ABCA9: variants seen among roughly 807,000 people sequenced by gnomAD.
ABCA9 encodes the protein ATP binding cassette subfamily A member 9, also known as ATP-binding cassette sub-family A member 9.
Under a neutral mutation model 205.3 loss-of-function variants are expected in ABCA9, and 183 were observed. The ratio of observed to expected loss-of-function variants is 0.89; its 90% CI spans 0.79 to 1.01. ABCA9 has a LOEUF of 1.01. Among genes scored for constraint, ABCA9 ranks in the 50% least tolerant of loss-of-function variants. ABCA9 has a pLI of 0.00. For missense variants in ABCA9, 1,805 were observed against 1,912.4 expected (o/e 0.94, Z 1.05); for synonymous variants, 651 against 683.3 (o/e 0.95, Z 0.74).
rs149991432 is a variant in ABCA9, at chr17:68,989,872, C to T, written c.3896G>A (p.Cys1299Tyr). The T allele has an allele frequency of 6.2e-7, 1 of 1,613,364 alleles. No homozygotes were observed. The highest frequency in any genetic ancestry group is 1.1e-5 in the South Asian group (1 of 90,966). Residue 1299 changes from cysteine (C) to tyrosine (Y), a missense_variant, in exon 30 of 39, where the codon TGC (cysteine) becomes TAC (tyrosine). Cys to Tyr is a radical substitution (Grantham distance 194). Transcript: ENST00000340001. ...AATTTTTTTCTTCCTTTTAGAAAAGCAATTTTTCTTTTTGCCTGCATATTC... is the reference window on the plus strand; with the variant it reads ...AATTTTTTTCTTCCTTTTAGAAAAGTAATTTTTCTTTTTGCCTGCATATTC... ...RKEYAGKKKNCFSKRKKKIAT... is the reference protein window; with the variant it reads ...RKEYAGKKKNYFSKRKKKIAT...
intron 22 of ABCA9, among the ~76,000 whole-genome samples, chr17:69,013,146 A>ATCTTGGCTATT (rs2070445706): frequency 6.6e-6 from 1 of 151,984 alleles, no homozygotes; most frequent in Non-Finnish European, 1.5e-5. Context: ...TTTCTTCCAA[A>ATCTTGGCTATT]TCTTGGCTAT....
chr17:68,996,037 C>A, intron 25 of ABCA9, 23 bp from the exon 26 acceptor site: 1 of 1,608,580 alleles, frequency 6.2e-7, no homozygotes, highest in East Asian at 2.2e-5. Flanking sequence ...CACAGTATAG[C>A]GTCATTAAAG....
At chr17:69,070,268 C>T in the ABCA9 span, among the ~76,000 whole-genome samples, 1 of 151,772 alleles carries the variant, frequency 6.6e-6, no homozygotes, top group Non-Finnish European at 1.5e-5. Flanking sequence ...CAAAAAAATA[C>T]AAAAATTAAA....
At chr17:69,008,310 G>A in intron 23 of ABCA9, 75 bp from the exon 24 acceptor site, 1 of 1,366,774 alleles carries the variant, frequency 7.3e-7, no homozygotes, top group Non-Finnish European at 1.0e-6. Context: ...ATACAGTCAT[G>A]AAAGCATTCA....
At chr17:68,984,699 T>G (rs2069171323) in intron 34 of ABCA9, among the ~76,000 whole-genome samples, 186 bp downstream of exon 34, 2 of 151,980 alleles carry the variant, frequency 1.3e-5, no homozygotes, top group Non-Finnish European at 2.9e-5. Flanking sequence ...AATATTAGGG[T>G]GAGATAATAT....
the ABCA9 span, among the ~76,000 whole-genome samples, chr17:69,071,690 C>T: frequency 6.6e-6 from 1 of 152,130 alleles, no homozygotes; most frequent in East Asian, 1.9e-4. Flanking sequence ...CTATTCTCCT[C>T]CAAAAAATCA....
intron 22 of ABCA9, among the ~76,000 whole-genome samples, chr17:69,014,957 C>T (rs1248781688): frequency 6.6e-6 from 1 of 152,124 alleles, no homozygotes. Flanking sequence ...AAGACAATTA[C>T]ATGGGTCACC....
At chr17:69,046,474 A>G (rs1299756378) in intron 3 of ABCA9, among the ~76,000 whole-genome samples, 1 of 152,188 alleles carries the variant, frequency 6.6e-6, no homozygotes, top group Non-Finnish European at 1.5e-5. Context: ...TTTTTGAGAT[A>G]TTCCAGCTGT....
At chr17:69,042,037 C>A (rs565406229) in intron 6 of ABCA9, among the ~76,000 whole-genome samples, 83 of 152,206 alleles carry the variant, frequency 5.5e-4, no homozygotes, top group Admixed American at 1.6e-3. Context: ...GTGTAAAGGG[C>A]AAATTCAAGA....
intron 6 of ABCA9, among the ~76,000 whole-genome samples, chr17:69,039,414 C>T (rs1046089830): frequency 6.6e-6 from 1 of 152,146 alleles, no homozygotes; most frequent in Middle Eastern, 3.4e-3. Flanking sequence ...CATCTATAGC[C>T]ATCTGATCTT....
chr17:68,992,935 T>C, intron 27 of ABCA9, 81 bp downstream of exon 27: 1 of 1,166,522 alleles, frequency 8.6e-7, no homozygotes, highest in Non-Finnish European at 1.3e-6. Context: ...CCTTCTTAAT[T>C]TGATGCAATT....
At chr17:69,052,212 A>T (rs1046368272) in intron 1 of ABCA9, among the ~76,000 whole-genome samples, 1 of 152,068 alleles carries the variant, frequency 6.6e-6, no homozygotes, top group Non-Finnish European at 1.5e-5. Context: ...CTCTATTTTT[A>T]AAAAATCAAA....
chr17:69,027,532 C>T lies in ABCA9; in HGVS notation c.1792-83G>A, dbSNP rs1487885576. The T allele has an allele frequency of 1.9e-6, 3 of 1,557,008 alleles. No individual in the cohort carries two copies. In the African/African-American group the frequency reaches 4.2e-5, roughly 22 times the overall value. On this transcript the variant is annotated intron_variant, in intron 13 of 38. Coordinates refer to ENST00000340001, the MANE Select transcript of ABCA9 (RefSeq NM_080283.4). ...TCATTTTTCTGTTCTTTACAAAGGG[C>T]CTTTTTGCCTGAAATTTAGATGAGG... is the stretch of plus-strand genomic sequence containing the variant.
chr17:69,011,397 T>C (rs1598368234), intron 23 of ABCA9, among the ~76,000 whole-genome samples: 2 of 152,116 alleles, frequency 1.3e-5, no homozygotes, highest in Non-Finnish European at 1.5e-5. Flanking sequence ...TCACTAAAGA[T>C]AGGGACAGTT....
Position 68,995,433 on chromosome 17 carries a change from C to T in ABCA9, c.3555+462G>A, listed in dbSNP as rs542016317. 8.9e-4 allele frequency among the ~76,000 whole-genome samples: 135 copies of T among 152,178 alleles called. 1 individual carries two copies. The highest frequency in any genetic ancestry group is 8.7e-3 in the South Asian group (42 of 4,818). On this transcript the variant is annotated intron_variant, in intron 26 of 38. Coordinates refer to ENST00000340001, the MANE Select transcript of ABCA9 (RefSeq NM_080283.4). ...TTTTTATTTCTATCTCTACTCACCG[C>T]GTAGGTCATATTATTGTCGCATGGC...
In ABCA9 at chr17:69,047,067, T is replaced by G. The variant is rs544487936; in HGVS notation, c.305-1731A>C. Among the ~76,000 whole-genome samples, 21 of 151,340 alleles carry G rather than the reference T, an allele frequency of 1.4e-4. 1 individual carries two copies. In the East Asian group the frequency reaches 3.5e-3, roughly 25 times the overall value. On this transcript the variant is annotated intron_variant, in intron 3 of 38. Coordinates refer to ENST00000340001, the MANE Select transcript of ABCA9 (RefSeq NM_080283.4). Reference sequence around the variant, plus strand: ...ACCTTCACCTCCTGAGTGCAAGTGATTCTCCTGCCTCAGACTCCCAAGTAG... The same window carrying G: ...ACCTTCACCTCCTGAGTGCAAGTGAGTCTCCTGCCTCAGACTCCCAAGTAG...
intron 3 of ABCA9, among the ~76,000 whole-genome samples, chr17:69,048,086 G>A (rs1466629739): frequency 6.6e-6 from 1 of 152,162 alleles, no homozygotes; most frequent in Non-Finnish European, 1.5e-5. Context: ...AAAATCATTA[G>A]ATCTTGTGAG....
chr17:69,033,403 G>C (rs1171229545), intron 9 of ABCA9: 2 of 172,914 alleles, frequency 1.2e-5, no homozygotes, highest in African/African-American at 4.7e-5. Context: ...TATATCAAGT[G>C]AGTTAAATGG....
intron 9 of ABCA9, chr17:69,033,509 C>T (rs1461310370): frequency 2.5e-5 from 9 of 361,258 alleles, no homozygotes; most frequent in Non-Finnish European, 4.0e-5. Context: ...TCCATAATCT[C>T]TCACAAGTGT....
Sources: gnomAD v4.1 joint callset for allele counts (sites outside exome capture counted in the v4.1 genomes callset) on GRCh38, gnomAD v4.1.1 for gene constraint, MANE v1.5 for transcripts, NCBI Gene and HGNC (gene_info 2026-07-23, HGNC 2026-07-21) for gene names.